Variants in PTPRC observed in about 807,000 individuals in gnomAD.
The protein encoded by PTPRC is protein tyrosine phosphatase receptor type C, also known as receptor-type tyrosine-protein phosphatase C.
PTPRC carries 44 observed loss-of-function variants against 155.9 expected under a neutral mutation model. The observed-to-expected ratio is 0.28, with a 90% CI of 0.22 to 0.36. The LOEUF (loss-of-function observed/expected upper bound fraction) is 0.36. PTPRC is among the 10% of genes least tolerant of loss of function. The pLI is 1.00. For synonymous variants in PTPRC, 525 were observed against 533.1 expected (o/e 0.98, Z 0.21); for missense variants, 1,401 against 1,564.6 (o/e 0.90, Z 1.76).
At chr1:198,723,629 C>T (rs1395024610) in intron 15 of PTPRC, among the ~76,000 whole-genome samples, 2 of 152,148 alleles carry the variant, frequency 1.3e-5, no homozygotes, top group African/African-American at 2.4e-5. Flanking sequence ...TTATAGCAGT[C>T]ATAGACTCAG....
intron 2 of PTPRC, among the ~76,000 whole-genome samples, chr1:198,655,819 C>T (rs1324343332): frequency 6.6e-6 from 1 of 152,016 alleles, no homozygotes; most frequent in East Asian, 1.9e-4. Context: ...CCAGGCATTG[C>T]CAAATGTCAA....
rs1571901684 is a variant in PTPRC, at chr1:198,757,298, T to A, written c.*1117T>A. 6.6e-6 allele frequency: 1 copy of A among 151,996 alleles called. No individual in the cohort carries two copies. Among genetic ancestry groups the A allele is most frequent in the East Asian group, 1.9e-4 (1 of 5,158 alleles). The allele number at this position is 151,996 out of a possible 1,614,324, so 9.4% of individuals were successfully genotyped here. ...CTTGTTTATAATACATTGTGTTATATGTTCAAATATGAAATGTGTATGCAC... is the reference window on the plus strand; with the variant it reads ...CTTGTTTATAATACATTGTGTTATAAGTTCAAATATGAAATGTGTATGCAC... On this transcript the variant is annotated 3_prime_UTR_variant, in exon 33 of 33. Coordinates refer to ENST00000442510, the MANE Select transcript of PTPRC (RefSeq NM_002838.5).
At position 198,734,185 on chromosome 1, in the gene PTPRC, G is replaced by A. The variant is rs2102490256; in HGVS notation, c.2143-11G>A. 3.7e-6 allele frequency: 6 copies of A among 1,608,528 alleles called. No individual in the cohort carries two copies. Among genetic ancestry groups the A allele is most frequent in the East Asian group, 2.2e-5 (1 of 44,670 alleles). ...CAGCAAATGACATATCTCTGCATGT[G>A]TTTTCAATAGGGTTTCAAAGAACCC... On this transcript the variant is annotated splice_polypyrimidine_tract_variant and intron_variant, in intron 20 of 32. Coordinates refer to ENST00000442510, the MANE Select transcript of PTPRC (RefSeq NM_002838.5).
chr1:198,747,714 G>T (rs916719000), intron 26 of PTPRC, among the ~76,000 whole-genome samples: 6 of 151,868 alleles, frequency 4.0e-5, no homozygotes, highest in Non-Finnish European at 8.8e-5. Context: ...CAAAACATGT[G>T]CCAAGTCTCC....
chr1:198,695,109 C>A, intron 3 of PTPRC: 2 of 905,362 alleles, frequency 2.2e-6, no homozygotes, highest in Non-Finnish European at 2.6e-6. Context: ...TGAATTTTAT[C>A]TGTATTTAGT....
At chr1:198,722,850 C>T (rs1653956883) in intron 15 of PTPRC, among the ~76,000 whole-genome samples, 1 of 151,354 alleles carries the variant, frequency 6.6e-6, no homozygotes, top group Non-Finnish European at 1.5e-5. Flanking sequence ...CAGAAGTGGG[C>T]CTTAGATACA....
At chr1:198,679,293 C>T (rs2102322727) in intron 2 of PTPRC, 1 of 150,616 alleles carries the variant, frequency 6.6e-6, no homozygotes, top group East Asian at 1.9e-4. Flanking sequence ...AGTGCAGTGG[C>T]CTGATCTCGC....
At chr1:198,673,790 G>A (rs764332770) in intron 2 of PTPRC, among the ~76,000 whole-genome samples, 3 of 152,112 alleles carry the variant, frequency 2.0e-5, no homozygotes, top group Non-Finnish European at 4.4e-5. Context: ...CAAGAAATGC[G>A]GTAGAATAAG....
intron 2 of PTPRC, among the ~76,000 whole-genome samples, chr1:198,686,661 T>G (rs962231868): frequency 1.3e-5 from 2 of 152,224 alleles, no homozygotes; most frequent in African/African-American, 4.8e-5. Flanking sequence ...TTCCCAGTAT[T>G]GTTCATAAAG....
intron 2 of PTPRC, among the ~76,000 whole-genome samples, chr1:198,689,194 G>A (rs1044853784): frequency 1.3e-5 from 2 of 151,888 alleles, no homozygotes; most frequent in Admixed American, 6.6e-5. Flanking sequence ...TTTAAAAAAC[G>A]TATTGCCTTT....
intron 2 of PTPRC, among the ~76,000 whole-genome samples, chr1:198,661,345 A>G (rs529114316): frequency 6.7e-6 from 1 of 150,270 alleles, no homozygotes; most frequent in Admixed American, 6.6e-5. Flanking sequence ...CAATATATTA[A>G]TATAAATAGC....
chr1:198,649,086 C>A (rs545008192), intron 2 of PTPRC, among the ~76,000 whole-genome samples: 1 of 151,824 alleles, frequency 6.6e-6, no homozygotes, highest in Admixed American at 6.6e-5. Context: ...CCATCCTACA[C>A]TTTTTATTCC....
At chr1:198,722,016 C>T (rs933072133) in intron 14 of PTPRC, among the ~76,000 whole-genome samples, 14 of 151,098 alleles carry the variant, frequency 9.3e-5, no homozygotes, top group Admixed American at 8.6e-4. Flanking sequence ...AATGTATGTG[C>T]ATTTTATGCA....
rs1026314796 is a variant in PTPRC, at chr1:198,695,264, C to T, written c.101-1448C>T. On this transcript the variant is annotated intron_variant, in intron 3 of 32. Transcript: ENST00000442510. Reference sequence around the variant, plus strand: ...CATTTCTACTCCTTTTCTAGTTTCTCTCATTCTCTCCCTTTTTCCATATTT... The same window carrying T: ...CATTTCTACTCCTTTTCTAGTTTCTTTCATTCTCTCCCTTTTTCCATATTT... 2.0e-5 allele frequency: 16 copies of T among 816,086 alleles called. No homozygotes were observed. In the African/African-American group the frequency reaches 3.0e-4, roughly 15 times the overall value. The allele number at this position is 816,086 out of a possible 1,614,324, so 50.6% of individuals were successfully genotyped here. A position where few individuals can be genotyped will look rare whatever the true frequency, so the allele number is the denominator to read the frequency against.
chr1:198,698,110 T>C (rs1666290871), intron 4 of PTPRC, among the ~76,000 whole-genome samples: 1 of 152,160 alleles, frequency 6.6e-6, no homozygotes, highest in Middle Eastern at 3.2e-3. Context: ...TCACATTGAG[T>C]TTTCCTTTTG....
intron 11 of PTPRC, among the ~76,000 whole-genome samples, chr1:198,711,642 A>C (rs1207156408): frequency 2.6e-5 from 4 of 152,234 alleles, no homozygotes; most frequent in Non-Finnish European, 4.4e-5. Context: ...AAAATTGAAT[A>C]TTCCTGCTCT....
At chr1:198,737,093 C>T (rs1406706998) in intron 23 of PTPRC, among the ~76,000 whole-genome samples, 1 of 151,684 alleles carries the variant, frequency 6.6e-6, no homozygotes, top group Non-Finnish European at 1.5e-5. Context: ...GATATTAATG[C>T]TTTGTCAGAT....
At chr1:198,714,339 T>A (rs1245211428) in intron 12 of PTPRC, among the ~76,000 whole-genome samples, 1 of 151,988 alleles carries the variant, frequency 6.6e-6, no homozygotes, top group Non-Finnish European at 1.5e-5. Flanking sequence ...ATTTTTACAG[T>A]TTTTTTAAAC....
chr1:198,705,603 TAG>T (rs1217788999), intron 8 of PTPRC, among the ~76,000 whole-genome samples: 3 of 151,840 alleles, frequency 2.0e-5, no homozygotes, highest in Middle Eastern at 3.2e-3. Context: ...GTATTTTTAG[TAG>T]AGATTGGGAT....
Sources: gnomAD v4.1 joint callset for allele counts (sites outside exome capture counted in the v4.1 genomes callset) on GRCh38, gnomAD v4.1.1 for gene constraint, MANE v1.5 for transcripts, NCBI Gene and HGNC (gene_info 2026-07-23, HGNC 2026-07-21) for gene names.